The following CRTAC1 variants were observed in gnomAD, a reference collection of about 807,000 sequenced individuals.
The protein encoded by CRTAC1 is cartilage acidic protein 1, also known as acidic secreted protein in cartilage.
In CRTAC1, 37 loss-of-function variants were observed where a neutral mutation model predicts 67.8. The ratio of observed to expected loss-of-function variants is 0.55; its 90% CI spans 0.42 to 0.72. The LOEUF (loss-of-function observed/expected upper bound fraction) is 0.72, where lower values mean the gene tolerates loss of function less well. Ranked by LOEUF, CRTAC1 falls within the 30% of genes least tolerant of loss-of-function variation. The probability of loss-of-function intolerance (pLI) is 0.00; values close to 1 mark genes in which losing one functional copy is unlikely to be tolerated. For missense variants in CRTAC1, 780 were observed against 931.6 expected, an observed-to-expected ratio of 0.84 and a Z score of 2.12; for synonymous variants, 348 against 371.0, an observed-to-expected ratio of 0.94 and a Z score of 0.71.
chr10:98,021,630 G>A (rs376064934), intron 1 of CRTAC1, among the ~76,000 whole-genome samples: 3 of 152,316 alleles, frequency 2.0e-5, no homozygotes, highest in East Asian at 3.9e-4. Context: ...ATAATGCCTG[G>A]CATAGAGAAA....
chr10:97,929,685 T>C (rs989935723), intron 3 of CRTAC1, among the ~76,000 whole-genome samples: 1 of 152,166 alleles, frequency 6.6e-6, no homozygotes, highest in Non-Finnish European at 1.5e-5. Flanking sequence ...ATTCGTCAGG[T>C]TGTTGTGAGG....
chr10:97,969,198 A>C (rs2051666843), intron 2 of CRTAC1, among the ~76,000 whole-genome samples: 1 of 152,168 alleles, frequency 6.6e-6, no homozygotes, highest in African/African-American at 2.4e-5. Flanking sequence ...CCCAGCTCCA[A>C]TCCAAGAGTG....
At chr10:97,984,857 C>T (rs138063938) in intron 2 of CRTAC1, among the ~76,000 whole-genome samples, 7 of 152,262 alleles carry the variant, frequency 4.6e-5, no homozygotes, top group Admixed American at 1.3e-4. Flanking sequence ...AAGGGAAGGC[C>T]GAAGGACCAG....
intron 8 of CRTAC1, among the ~76,000 whole-genome samples, chr10:97,898,774 A>G (rs2050495201): frequency 6.6e-6 from 1 of 152,026 alleles, no homozygotes; most frequent in African/African-American, 2.4e-5. Context: ...GTCATGGTGG[A>G]GAGTGAAGAG....
intron 1 of CRTAC1, among the ~76,000 whole-genome samples, chr10:98,023,210 C>T (rs966355921): frequency 1.2e-4 from 18 of 152,170 alleles, no homozygotes; most frequent in South Asian, 4.1e-4. Context: ...AGGCTCAGAG[C>T]CAGCCACCAT....
chr10:97,906,795 C>G (rs1303140698), intron 6 of CRTAC1, among the ~76,000 whole-genome samples: 1 of 152,068 alleles, frequency 6.6e-6, no homozygotes, highest in African/African-American at 2.4e-5. Context: ...CCAGTAAGTC[C>G]CCACAGTGGA....
intron 1 of CRTAC1, among the ~76,000 whole-genome samples, chr10:98,025,352 G>C (rs1843207687): frequency 6.6e-6 from 1 of 152,112 alleles, no homozygotes; most frequent in African/African-American, 2.4e-5. Flanking sequence ...CCATTCCCCA[G>C]TTGTAACAAG....
chr10:97,977,784 T>C (rs746930119), intron 2 of CRTAC1, among the ~76,000 whole-genome samples: 29 of 152,188 alleles, frequency 1.9e-4, no homozygotes, highest in Non-Finnish European at 3.2e-4. Context: ...AAGTTCCCTA[T>C]TGGAATTGAT....
chr10:97,994,514 G>C (rs188553176), intron 2 of CRTAC1, among the ~76,000 whole-genome samples: 68 of 152,312 alleles, frequency 4.5e-4, no homozygotes, highest in African/African-American at 1.6e-3. Flanking sequence ...TCCCAGAACT[G>C]AAGGAGAGCT....
chr10:97,865,688 G>C lies in CRTAC1; in HGVS notation c.1846C>G (p.Arg616Gly), dbSNP rs763725933. 6.2e-7 allele frequency: 1 copy of C among 1,605,170 alleles called. No individual in the cohort carries two copies. Among genetic ancestry groups the C allele is most frequent in the Non-Finnish European group, 8.5e-7 (1 of 1,175,892 alleles). ...VGTLGQSPGPRPTTPTAAAAT... is the reference protein window; with the variant it reads ...VGTLGQSPGPGPTTPTAAAAT... The stretch of plus-strand genomic sequence containing the variant: ...GCAGCAGCGGTGGGGGTGGTGGGGC[G>C]GGGGCCCGGTGACTGGCCGAGAGTC... Residue 616 changes from arginine to glycine, a missense_variant, in exon 15 of 15, where the codon CGC (arginine) becomes GGC (glycine). By Grantham distance (125) the Arg-to-Gly change is moderately radical. Coordinates refer to ENST00000370597, the MANE Select transcript of CRTAC1 (RefSeq NM_018058.7).
intron 2 of CRTAC1, among the ~76,000 whole-genome samples, chr10:97,963,927 C>T (rs532075455): frequency 6.6e-6 from 1 of 152,278 alleles, no homozygotes; most frequent in South Asian, 2.1e-4. Context: ...GGAGTTCAAA[C>T]CCAGGTTTGT....
intron 2 of CRTAC1, among the ~76,000 whole-genome samples, chr10:97,949,143 C>T (rs1283156454): frequency 6.6e-6 from 1 of 152,180 alleles, no homozygotes; most frequent in Non-Finnish European, 1.5e-5. Context: ...CAGCAGCCTG[C>T]TGGATTAGCA....
chr10:97,985,567 T>C (rs1041922737), intron 2 of CRTAC1, among the ~76,000 whole-genome samples: 9 of 152,160 alleles, frequency 5.9e-5, no homozygotes, highest in Non-Finnish European at 1.3e-4. Context: ...GGCAGTCACA[T>C]GGAGGCCAAC....
intron 2 of CRTAC1, among the ~76,000 whole-genome samples, chr10:97,983,894 T>G (rs2051938414): frequency 6.6e-6 from 1 of 152,376 alleles, no homozygotes; most frequent in South Asian, 2.1e-4. Context: ...ACACATTTTT[T>G]TATTTTGGGA....
At chr10:97,911,317 T>G (rs2050685346) in intron 5 of CRTAC1, among the ~76,000 whole-genome samples, 1 of 152,276 alleles carries the variant, frequency 6.6e-6, no homozygotes, top group Non-Finnish European at 1.5e-5. Context: ...ATTTCCCTTT[T>G]GGACAAATTT....
At chr10:97,952,153 C>T (rs2051365500) in intron 2 of CRTAC1, among the ~76,000 whole-genome samples, 2 of 152,020 alleles carry the variant, frequency 1.3e-5, no homozygotes, top group African/African-American at 4.8e-5. Context: ...GAGATCAAGA[C>T]CAGCCTGGCT....
chr10:97,896,015 C>T (rs370528387), intron 9 of CRTAC1, 30 bp from the exon 10 acceptor site: 64 of 1,596,476 alleles, frequency 4.0e-5, no homozygotes, highest in Non-Finnish European at 5.3e-5. Flanking sequence ...CACCTCTGGC[C>T]GTAATCCAGG....
intron 2 of CRTAC1, among the ~76,000 whole-genome samples, chr10:97,997,614 T>G (rs535306072): frequency 6.6e-6 from 1 of 152,120 alleles, no homozygotes; most frequent in South Asian, 2.1e-4. Flanking sequence ...ATATTAGAAC[T>G]GTCAAATACA....
rs1163995717 is a variant in CRTAC1, at chr10:97,865,045, C to G, written c.*503G>C. Reference sequence around the variant, plus strand: ...GTGAGAGGCACTTGTTTTTATTGAGCCTTTACTATGTGCCAGGTTTTGTGC... The same window carrying G: ...GTGAGAGGCACTTGTTTTTATTGAGGCTTTACTATGTGCCAGGTTTTGTGC... On this transcript the variant is annotated 3_prime_UTR_variant, in exon 15 of 15. Coordinates refer to ENST00000370597, the MANE Select transcript of CRTAC1 (RefSeq NM_018058.7). The G allele has an allele frequency of 1.3e-5, 2 of 152,866 alleles. No homozygotes were observed. The highest frequency in any genetic ancestry group is 6.5e-5 in the Admixed American group (1 of 15,328). The allele number at this position is 152,866 out of a possible 1,614,324, so 9.5% of individuals were successfully genotyped here.
Sources: allele counts gnomAD v4.1 joint callset (sites outside exome capture counted in the v4.1 genomes callset), GRCh38; gene constraint gnomAD v4.1.1; transcripts MANE v1.5; gene names NCBI Gene and HGNC (gene_info 2026-07-23, HGNC 2026-07-21).